The following DPP6 variants were observed in gnomAD, a reference collection of about 807,000 sequenced individuals.
DPP6 encodes the protein A-type potassium channel modulatory protein DPP6.
DPP6 carries 69 observed loss-of-function variants against 122.6 expected under a neutral mutation model. The ratio of observed to expected loss-of-function variants is 0.56; its 90% CI spans 0.46 to 0.69. The LOEUF (loss-of-function observed/expected upper bound fraction) is 0.69. DPP6 is among the 30% of genes least tolerant of loss of function. The pLI is 0.00. For missense variants in DPP6, 928 were observed against 1,116.9 expected, an observed-to-expected ratio of 0.83 and a Z score of 2.41; for synonymous variants, 418 against 433.1, an observed-to-expected ratio of 0.97 and a Z score of 0.43.
intron 7 of DPP6, among the ~76,000 whole-genome samples, chr7:154,691,716 A>G (rs1036321385): frequency 6.6e-6 from 1 of 152,074 alleles, no homozygotes; most frequent in South Asian, 2.1e-4. Flanking sequence ...CTACTCAGGA[A>G]GCTGAGGCAG....
At chr7:154,783,099 C>A (rs781195136) in intron 10 of DPP6, among the ~76,000 whole-genome samples, 3 of 152,124 alleles carry the variant, frequency 2.0e-5, no homozygotes, top group Non-Finnish European at 4.4e-5. Flanking sequence ...GGTACAGGAA[C>A]CACACTGTCA....
chr7:154,393,172 T>C lies in DPP6; in HGVS notation c.244-53042T>C, dbSNP rs181817933. The stretch of plus-strand genomic sequence containing the variant: ...AGAACAATGTAGACTCTTGAGTGGC[T>C]AAGAGTCTAAACGGCTGAGGAATGT... On this transcript the variant is annotated intron_variant, in intron 1 of 25. Coordinates refer to ENST00000377770, the MANE Select transcript of DPP6 (RefSeq NM_130797.4). 3.7e-3 allele frequency among the ~76,000 whole-genome samples: 560 copies of C among 152,336 alleles called. 4 individuals carry two copies. Among genetic ancestry groups the C allele is most frequent in the African/African-American group, 0.013 (542 of 41,564 alleles).
At chr7:153,960,718 C>CGTAT (rs1795312681) in intron 1 of DPP6, among the ~76,000 whole-genome samples, 1 of 147,246 alleles carries the variant, frequency 6.8e-6, no homozygotes, top group Admixed American at 6.8e-5. Context: ...TGTGTGCATG[C>CGTAT]GTGTGTGTGT....
At chr7:153,971,855 C>G (rs928762587) in intron 1 of DPP6, among the ~76,000 whole-genome samples, 1 of 144,462 alleles carries the variant, frequency 6.9e-6, no homozygotes, top group African/African-American at 2.6e-5. Context: ...GAACTCTGGG[C>G]TTTGTGTCCT....
Position 154,833,427 on chromosome 7 carries a change from C to T in DPP6, c.1667-20353C>T, listed in dbSNP as rs1256147822. ...CTCATCGAGAAGGAGCAAGAAGTGA[C>T]TTCTGTGTGCCTTGGCTGCCTCATC... On this transcript the variant is annotated intron_variant, in intron 16 of 25. Coordinates refer to ENST00000377770, the MANE Select transcript of DPP6 (RefSeq NM_130797.4). The surrounding 1 kb of genome is among the most constrained non-coding windows in gnomAD (Gnocchi z 4.3). 6.6e-6 allele frequency among the ~76,000 whole-genome samples: 1 copy of T among 152,214 alleles called. No individual in the cohort carries two copies. The highest frequency in any genetic ancestry group is 1.5e-5 in the Non-Finnish European group (1 of 68,038).
intron 16 of DPP6, among the ~76,000 whole-genome samples, chr7:154,844,821 A>G (rs1344641347): frequency 6.6e-6 from 1 of 152,226 alleles, no homozygotes; most frequent in Non-Finnish European, 1.5e-5. Flanking sequence ...GCCTCCTTAA[A>G]TGTAATTTTA....
chr7:154,692,461 TG>T, intron 7 of DPP6, among the ~76,000 whole-genome samples: 1 of 152,336 alleles, frequency 6.6e-6, no homozygotes, highest in South Asian at 2.1e-4. Flanking sequence ...GGAAGGACCA[TG>T]ACTTTCCTTC....
At chr7:154,667,503 G>A (rs1373124573) in intron 6 of DPP6, among the ~76,000 whole-genome samples, 5 of 152,152 alleles carry the variant, frequency 3.3e-5, no homozygotes, top group African/African-American at 7.2e-5. Flanking sequence ...CGAGGCAGAC[G>A]GATTCCCTGA....
chr7:154,010,038 C>T (rs558400527), intron 1 of DPP6, among the ~76,000 whole-genome samples: 3 of 152,240 alleles, frequency 2.0e-5, no homozygotes, highest in Admixed American at 6.5e-5. Flanking sequence ...AGGAGGGAGT[C>T]GGTGGAAGAG....
chr7:154,023,452 G>A (rs967238267), intron 1 of DPP6, among the ~76,000 whole-genome samples: 8 of 151,402 alleles, frequency 5.3e-5, no homozygotes, highest in African/African-American at 2.0e-4. Flanking sequence ...TTGCCATTCG[G>A]TTTAATGGAA....
chr7:154,062,723 C>T (rs1475121448), intron 1 of DPP6, among the ~76,000 whole-genome samples: 1 of 60,628 alleles, frequency 1.6e-5, no homozygotes, highest in Non-Finnish European at 2.9e-5. Context: ...GTACCCCCAT[C>T]GTAGGGGGGG....
chr7:153,912,378 T>G (rs967139831), intron 1 of DPP6, among the ~76,000 whole-genome samples: 2 of 152,110 alleles, frequency 1.3e-5, no homozygotes, highest in Non-Finnish European at 2.9e-5. Context: ...GAGCGAGAGC[T>G]TCATGAAAGA....
intron 3 of DPP6, among the ~76,000 whole-genome samples, chr7:154,498,690 A>C (rs1370712038): frequency 1.3e-5 from 2 of 152,164 alleles, no homozygotes; most frequent in Non-Finnish European, 2.9e-5. Flanking sequence ...TCAAGGACCC[A>C]GGCTTCTAGA....
At chr7:154,462,607 A>G (rs985871276) in intron 2 of DPP6, among the ~76,000 whole-genome samples, 2 of 151,668 alleles carry the variant, frequency 1.3e-5, no homozygotes, top group African/African-American at 2.4e-5. Context: ...TGGGTATTTT[A>G]TTTTATTTGC....
chr7:154,296,974 A>G, intron 1 of DPP6, among the ~76,000 whole-genome samples: 1 of 152,212 alleles, frequency 6.6e-6, no homozygotes, highest in East Asian at 1.9e-4. Context: ...CATGCTGACA[A>G]GCCGTGTAGG....
chr7:154,063,746 C>A (rs1802469552), intron 1 of DPP6, among the ~76,000 whole-genome samples: 1 of 150,870 alleles, frequency 6.6e-6, no homozygotes, highest in Non-Finnish European at 1.5e-5. Flanking sequence ...GGCTTAGGAC[C>A]CCCGTCGTGG....
chr7:154,468,035 C>T (rs370065998), intron 2 of DPP6, among the ~76,000 whole-genome samples: 1 of 152,160 alleles, frequency 6.6e-6, no homozygotes, highest in African/African-American at 2.4e-5. Flanking sequence ...TAAAGTGACA[C>T]ATTTCTCCAA....
chr7:154,361,210 C>CTGGAATG (rs1466695140), intron 1 of DPP6, among the ~76,000 whole-genome samples: 4 of 152,174 alleles, frequency 2.6e-5, no homozygotes, highest in Non-Finnish European at 5.9e-5. Context: ...TAGTTACCTG[C>CTGGAATG]TGGAATGCAA....
At chr7:153,975,375 A>G (rs1796246550) in intron 1 of DPP6, among the ~76,000 whole-genome samples, 1 of 146,216 alleles carries the variant, frequency 6.8e-6, no homozygotes, top group Non-Finnish European at 1.5e-5. Context: ...TTAAGCCTAC[A>G]AAGATTTTCT....
Sources: gnomAD v4.1 joint callset for allele counts (sites outside exome capture counted in the v4.1 genomes callset) on GRCh38, gnomAD v4.1.1 for gene constraint, Gnocchi (gnomAD v3.1) non-coding constraint, MANE v1.5 for transcripts, NCBI Gene and HGNC (gene_info 2026-07-23, HGNC 2026-07-21) for gene names.